The following TMEM266 variants were observed in gnomAD, a reference collection of about 807,000 sequenced individuals.
TMEM266 encodes Hv1 related protein 1.
In TMEM266, 33 loss-of-function variants were observed where a neutral mutation model predicts 50.5. The observed-to-expected ratio is 0.65, with a 90% CI of 0.50 to 0.87. The LOEUF (loss-of-function observed/expected upper bound fraction) is 0.87. Among genes scored for constraint, TMEM266 ranks in the 40% least tolerant of loss-of-function variants. TMEM266 has a pLI of 0.00. For missense variants in TMEM266, 655 were observed against 695.1 expected, an observed-to-expected ratio of 0.94 and a Z score of 0.65; for synonymous variants, 310 against 292.3, an observed-to-expected ratio of 1.06 and a Z score of -0.62.
At chr15:76,061,568 T>C (rs577450709) in intron 1 of TMEM266, among the ~76,000 whole-genome samples, 2 of 152,328 alleles carry the variant, frequency 1.3e-5, no homozygotes, top group East Asian at 3.9e-4. Context: ...AATTTTCCAT[T>C]TCATAGATTC....
intron 8 of TMEM266, chr15:76,175,971 T>TC: frequency 3.5e-6 from 1 of 289,010 alleles, no homozygotes; most frequent in South Asian, 4.5e-5. Context: ...CCTCAGTTCA[T>TC]CAGAGTCTTC....
chr15:76,135,969 G>T (rs1476441220), intron 2 of TMEM266, among the ~76,000 whole-genome samples: 2 of 150,414 alleles, frequency 1.3e-5, no homozygotes, highest in Non-Finnish European at 3.0e-5. Flanking sequence ...TTGAGATAGA[G>T]TTTCACTCTT....
chr15:76,198,152 A>G (rs2038683186), intron 9 of TMEM266, among the ~76,000 whole-genome samples: 1 of 152,184 alleles, frequency 6.6e-6, no homozygotes, highest in African/African-American at 2.4e-5. Context: ...GGCATTTGCT[A>G]TCCCCATTTT....
At position 76,160,257 on chromosome 15, in the gene TMEM266, G is replaced by GCAT; in HGVS notation, c.456+92_456+94dup. On this transcript the variant is annotated intron_variant, in intron 5 of 10. Coordinates refer to ENST00000388942, the MANE Select transcript of TMEM266 (RefSeq NM_152335.3). The surrounding 1 kb of genome is among the most constrained non-coding windows in gnomAD (Gnocchi z 5.7). ...GGTCTACTTCTCGAAATGGTTTCTAGCATCAGGTCCCCTGCTAGCCCTTGA... is the reference window on the plus strand; with the variant it reads ...GGTCTACTTCTCGAAATGGTTTCTAGCATCATCAGGTCCCCTGCTAGCCCTTGA... 7.6e-7 allele frequency: 1 copy of GCAT among 1,309,082 alleles called. No homozygotes were observed. Among genetic ancestry groups the GCAT allele is most frequent in the Non-Finnish European group, 1.1e-6 (1 of 908,554 alleles). The allele number at this position is 1,309,082 out of a possible 1,614,324, so 81.1% of individuals were successfully genotyped here. A position where few individuals can be genotyped will look rare whatever the true frequency, so the allele number is the denominator to read the frequency against.
chr15:76,076,579 C>T (rs2036610706), intron 1 of TMEM266, among the ~76,000 whole-genome samples: 1 of 151,936 alleles, frequency 6.6e-6, no homozygotes, highest in South Asian at 2.1e-4. Flanking sequence ...AAGAGTTTAC[C>T]AATTCCTAGG....
At position 76,168,453 on chromosome 15, in the gene TMEM266, G is replaced by C. The variant is rs1283787723; in HGVS notation, c.457-1363G>C. ...TCAGAAGGCTAGGCTTGTACTACAG[G>C]CATGCGGGAGAGGGGCACCATCTGG... On this transcript the variant is annotated intron_variant, in intron 5 of 10. Coordinates refer to ENST00000388942, the MANE Select transcript of TMEM266 (RefSeq NM_152335.3). The surrounding 1 kb of genome is among the most constrained non-coding windows in gnomAD (Gnocchi z 4.4). Among the ~76,000 whole-genome samples, 1 of 152,206 alleles carries C rather than the reference G, an allele frequency of 6.6e-6. No individual in the cohort carries two copies. The highest frequency in any genetic ancestry group is 2.4e-5 in the African/African-American group (1 of 41,450).
intron 1 of TMEM266, among the ~76,000 whole-genome samples, chr15:76,062,115 G>A (rs2036315009): frequency 6.6e-6 from 1 of 152,186 alleles, no homozygotes. Flanking sequence ...AATTGCTGTA[G>A]TTGCATCAGT....
At chr15:76,203,100 G>A (rs781714362) in intron 10 of TMEM266, among the ~76,000 whole-genome samples, 14 of 152,038 alleles carry the variant, frequency 9.2e-5, no homozygotes, top group Non-Finnish European at 1.6e-4. Context: ...CTCACCTAGA[G>A]CAAAGAGCTC....
chr15:76,167,708 C>G (rs1330786601), intron 5 of TMEM266, among the ~76,000 whole-genome samples: 2 of 151,944 alleles, frequency 1.3e-5, no homozygotes. Flanking sequence ...CACCATTTGG[C>G]CAGGTTGGTC....
chr15:76,130,626 C>T (rs147806216), intron 1 of TMEM266, among the ~76,000 whole-genome samples: 3 of 152,334 alleles, frequency 2.0e-5, no homozygotes, highest in African/African-American at 7.2e-5. Flanking sequence ...CTTAGAACTA[C>T]ATATTGAAAT....
At chr15:76,170,141 GA>G (rs34621040) in intron 6 of TMEM266, among the ~76,000 whole-genome samples, 33,110 of 152,142 alleles carry the variant, frequency 0.22, 4,007 homozygotes, top group Non-Finnish European at 0.28. Context: ...GAATCAATTT[GA>G]AAAGCTTTTG....
chr15:76,064,154 A>G (rs1234027463), intron 1 of TMEM266, among the ~76,000 whole-genome samples: 1 of 152,224 alleles, frequency 6.6e-6, no homozygotes, highest in African/African-American at 2.4e-5. Flanking sequence ...GGCCTGAGTC[A>G]CTAGAAAGGA....
At chr15:76,147,947 C>A (rs564965191) in intron 3 of TMEM266, among the ~76,000 whole-genome samples, 2 of 152,168 alleles carry the variant, frequency 1.3e-5, no homozygotes, top group African/African-American at 4.8e-5. Context: ...CCAGCCTGGG[C>A]AACAGAGTGA....
intron 1 of TMEM266, among the ~76,000 whole-genome samples, chr15:76,065,173 A>G (rs74024078): frequency 0.036 from 5,506 of 152,250 alleles, 342 homozygotes; most frequent in African/African-American, 0.12. Context: ...ACAAAGAAAA[A>G]GTTCCATTGT....
intron 8 of TMEM266, among the ~76,000 whole-genome samples, chr15:76,176,984 G>A (rs2038293478): frequency 6.6e-6 from 1 of 152,226 alleles, no homozygotes; most frequent in Admixed American, 6.5e-5. Flanking sequence ...GCCACCTCTT[G>A]GGTTTTGGTT....
chr15:76,070,962 A>G lies in TMEM266; in HGVS notation c.-97+10946A>G, dbSNP rs575688759. Among the ~76,000 whole-genome samples the G allele has an allele frequency of 1.3e-4, 20 of 152,352 alleles. No individual in the cohort carries two copies. In the East Asian group the frequency reaches 3.9e-3, roughly 29 times the overall value. On this transcript the variant is annotated intron_variant, in intron 1 of 10. Transcript: ENST00000388942. ...AGTGCTCAGTCAGTGCCACATAGTCATTGAAGGACAGACTCAGGAGTTTGT... is the reference window on the plus strand; with the variant it reads ...AGTGCTCAGTCAGTGCCACATAGTCGTTGAAGGACAGACTCAGGAGTTTGT...
intron 1 of TMEM266, among the ~76,000 whole-genome samples, chr15:76,086,939 C>T (rs1242821831): frequency 4.4e-5 from 6 of 137,290 alleles, no homozygotes; most frequent in South Asian, 2.2e-4. Flanking sequence ...GGGGGGGGGG[C>T]GGTGGTGTTG....
chr15:76,095,995 ATTCT>A (rs971182256), intron 1 of TMEM266, among the ~76,000 whole-genome samples: 10 of 151,446 alleles, frequency 6.6e-5, no homozygotes, highest in African/African-American at 1.9e-4. Context: ...CATCTATTTG[ATTCT>A]TTCTTTTCTT....
chr15:76,149,187 G>A (rs371441889), intron 3 of TMEM266, among the ~76,000 whole-genome samples: 2 of 152,314 alleles, frequency 1.3e-5, no homozygotes, highest in Admixed American at 6.5e-5. Context: ...GTCCCTGTAG[G>A]CATTGGGTTG....
Sources: allele counts gnomAD v4.1 joint callset (sites outside exome capture counted in the v4.1 genomes callset), GRCh38; gene constraint gnomAD v4.1.1; non-coding constraint Gnocchi (gnomAD v3.1); transcripts MANE v1.5; gene names NCBI Gene and HGNC (gene_info 2026-07-23, HGNC 2026-07-21).